GNB4: variants seen among roughly 807,000 people sequenced by gnomAD.
The protein encoded by GNB4 is guanine nucleotide-binding protein subunit beta-4.
In GNB4, 28 loss-of-function variants were observed where a neutral mutation model predicts 45.2. That is an observed-to-expected ratio of 0.62 (90% CI 0.46 to 0.85). The LOEUF is 0.85. Among genes scored for constraint, GNB4 ranks in the 40% least tolerant of loss-of-function variants. The pLI, the probability that GNB4 is intolerant of heterozygous loss-of-function variation, is 0.00. For missense variants in GNB4, 321 were observed against 425.4 expected (o/e 0.75, Z 2.16); for synonymous variants, 132 against 143.7 (o/e 0.92, Z 0.58).
At chr3:179,516,502 C>G in the GNB4 span, among the ~76,000 whole-genome samples, 1 of 152,088 alleles carries the variant, frequency 6.6e-6, no homozygotes, top group Non-Finnish European at 1.5e-5. Flanking sequence ...AATCCCCAAG[C>G]TTGATGTGTA....
At chr3:179,456,112 T>G (rs1450382752), upstream of GNB4, among the ~76,000 whole-genome samples, 4 of 150,218 alleles carry the variant, frequency 2.7e-5, no homozygotes, top group Non-Finnish European at 5.9e-5. Context: ...ATAGACTTTT[T>G]TTTTTTTTTT....
At position 179,422,054 on chromosome 3, in the gene GNB4, A is replaced by C. The variant is rs144838935; in HGVS notation, c.58-1127T>G. ...TTTAATTTAGTTAGTTGTTAAAAAAACTGGGTTGAACACTATGTGTCAGGC... is the reference window on the plus strand; with the variant it reads ...TTTAATTTAGTTAGTTGTTAAAAAACCTGGGTTGAACACTATGTGTCAGGC... On this transcript the variant is annotated intron_variant, in intron 2 of 9. Transcript: ENST00000232564. Among the ~76,000 whole-genome samples the C allele has an allele frequency of 3.3e-4, 51 of 152,340 alleles. No homozygotes were observed. In the East Asian group the frequency reaches 8.9e-3, roughly 26 times the overall value.
Position 179,397,976 on chromosome 3 carries a change from G to A in GNB4, c.*3237C>T, listed in dbSNP as rs1714171115. ...GAACTCCTGACCTCGTGATCCACCT[G>A]CCTCGGCCTCCCAAAGTGCTGGGAT... is the stretch of plus-strand genomic sequence containing the variant. On this transcript the variant is annotated 3_prime_UTR_variant, in exon 10 of 10. Transcript: ENST00000232564. 6.6e-6 allele frequency: 1 copy of A among 151,834 alleles called. No individual in the cohort carries two copies. The highest frequency in any genetic ancestry group is 1.5e-5 in the Non-Finnish European group (1 of 68,000). 9.4% of individuals were successfully genotyped at this position (151,834 alleles called of 1,614,324 possible). A position where few individuals can be genotyped will look rare whatever the true frequency, so the allele number is the denominator to read the frequency against.
intron 8 of GNB4, among the ~76,000 whole-genome samples, chr3:179,409,108 G>C (rs7639617): frequency 6.7e-6 from 1 of 148,708 alleles, no homozygotes; most frequent in African/African-American, 2.5e-5. Context: ...TCCAGCCTGG[G>C]TGACAGTGAA....
chr3:179,514,661 TA>T, the GNB4 span, among the ~76,000 whole-genome samples: 1 of 151,838 alleles, frequency 6.6e-6, no homozygotes, highest in Non-Finnish European at 1.5e-5. Flanking sequence ...GAAGAGACAA[TA>T]GGGGTGTGAT....
At chr3:179,459,410 C>T in the GNB4 span, among the ~76,000 whole-genome samples, 1 of 152,164 alleles carries the variant, frequency 6.6e-6, no homozygotes, top group East Asian at 1.9e-4. Flanking sequence ...CGGCCGGGCG[C>T]AGTGCCTCAC....
At chr3:179,513,962 C>T in the GNB4 span, among the ~76,000 whole-genome samples, 50 of 152,266 alleles carry the variant, frequency 3.3e-4, no homozygotes, top group Admixed American at 9.2e-4. Flanking sequence ...GGCAGGCAAT[C>T]GACATTTCAT....
chr3:179,527,790 ATGTGTG>A, the GNB4 span, among the ~76,000 whole-genome samples: 2,641 of 142,404 alleles, frequency 0.019, 26 homozygotes, highest in Middle Eastern at 0.043. Context: ...GTGTGTATGT[ATGTGTG>A]TGTGTGTGTG....
upstream of GNB4, among the ~76,000 whole-genome samples, chr3:179,453,979 C>A (rs1715941818): frequency 6.6e-6 from 1 of 152,004 alleles, no homozygotes; most frequent in Non-Finnish European, 1.5e-5. Flanking sequence ...AGTGATCCAG[C>A]AATTCATGAT....
chr3:179,464,598 G>C, the GNB4 span: 1 of 1,382,696 alleles, frequency 7.2e-7, no homozygotes, highest in Non-Finnish European at 1.0e-6. Flanking sequence ...TCACTCCTAC[G>C]TCCTCAACAA....
At chr3:179,520,519 G>A in the GNB4 span, among the ~76,000 whole-genome samples, 395 of 152,106 alleles carry the variant, frequency 2.6e-3, 4 homozygotes, top group African/African-American at 8.2e-3. Flanking sequence ...GGCTGCCGCC[G>A]CCCTAATACT....
intron 9 of GNB4, 69 bp downstream of exon 9, chr3:179,405,121 G>T: frequency 8.4e-7 from 1 of 1,192,818 alleles, no homozygotes; most frequent in Non-Finnish European, 1.2e-6. Flanking sequence ...TGGAGGCCTA[G>T]AACACAACTG....
the GNB4 span, among the ~76,000 whole-genome samples, chr3:179,468,689 C>A: frequency 1.3e-5 from 2 of 152,128 alleles, no homozygotes; most frequent in African/African-American, 4.8e-5. Flanking sequence ...AAGATACCAA[C>A]ATGACATATA....
the GNB4 span, among the ~76,000 whole-genome samples, chr3:179,498,695 A>C: frequency 7.3e-5 from 11 of 150,570 alleles, no homozygotes; most frequent in African/African-American, 2.2e-4. Flanking sequence ...GGCCTCCCAA[A>C]ATGCTGGGAT....
intron 9 of GNB4, among the ~76,000 whole-genome samples, chr3:179,404,256 A>T (rs1277520980): frequency 6.6e-6 from 1 of 152,238 alleles, no homozygotes; most frequent in East Asian, 1.9e-4. Flanking sequence ...TTCTAAACAA[A>T]ATCTATCATA....
chr3:179,428,403 T>A (rs2108605571), intron 1 of GNB4, among the ~76,000 whole-genome samples: 1 of 152,332 alleles, frequency 6.6e-6, no homozygotes, highest in African/African-American at 2.4e-5. Flanking sequence ...TTACAGCCGG[T>A]CTGGAATCCC....
chr3:179,498,988 C>A, the GNB4 span, among the ~76,000 whole-genome samples: 2 of 151,818 alleles, frequency 1.3e-5, no homozygotes, highest in Non-Finnish European at 1.5e-5. Flanking sequence ...CATTGTTCAA[C>A]TCCCGCTTAT....
chr3:179,411,638 A>G (rs539330681), intron 8 of GNB4, among the ~76,000 whole-genome samples: 1 of 152,344 alleles, frequency 6.6e-6, no homozygotes, highest in South Asian at 2.1e-4. Flanking sequence ...TGATAAAAGT[A>G]ATGGGCTGAG....
At chr3:179,466,524 G>A in the GNB4 span, among the ~76,000 whole-genome samples, 2 of 152,268 alleles carry the variant, frequency 1.3e-5, no homozygotes, top group East Asian at 3.9e-4. Flanking sequence ...TCTTTTGATA[G>A]TTCTCTGGAG....
Sources: gnomAD v4.1 joint callset for allele counts (sites outside exome capture counted in the v4.1 genomes callset) on GRCh38, gnomAD v4.1.1 for gene constraint, MANE v1.5 for transcripts, NCBI Gene and HGNC (gene_info 2026-07-23, HGNC 2026-07-21) for gene names.